EIF4G3: variants seen among roughly 807,000 people sequenced by gnomAD.
EIF4G3 encodes eukaryotic translation initiation factor 4 gamma 3.
A neutral mutation model predicts 186.4 loss-of-function variants in EIF4G3; 34 were observed. The observed-to-expected ratio is 0.18, with a 90% CI of 0.14 to 0.24. EIF4G3 has a LOEUF of 0.24. Among genes scored for constraint, EIF4G3 ranks in the 10% least tolerant of loss-of-function variants. The pLI is 1.00. For synonymous variants in EIF4G3, 673 were observed against 679.5 expected (o/e 0.99, Z 0.15); for missense variants, 1,536 against 1,948.5 (o/e 0.79, Z 3.99).
At chr1:21,121,667 C>T (rs1224362527) in intron 2 of EIF4G3, among the ~76,000 whole-genome samples, 3 of 150,578 alleles carry the variant, frequency 2.0e-5, no homozygotes, top group Admixed American at 1.3e-4. Flanking sequence ...CCCAGCTACT[C>T]GGGAGGCTAA....
At chr1:21,033,430 G>T (rs1384466179) in intron 4 of EIF4G3, among the ~76,000 whole-genome samples, 1 of 151,632 alleles carries the variant, frequency 6.6e-6, no homozygotes, top group Non-Finnish European at 1.5e-5. Flanking sequence ...AGCAGATAAA[G>T]AATTCATTCT....
At chr1:21,019,926 A>T (rs2090270002) in intron 4 of EIF4G3, among the ~76,000 whole-genome samples, 1 of 152,126 alleles carries the variant, frequency 6.6e-6, no homozygotes, top group Non-Finnish European at 1.5e-5. Context: ...GAACATAATC[A>T]AGAAACACTA....
chr1:20,813,068 T>C (rs746746259), intron 35 of EIF4G3, 90 bp downstream of exon 35: 7 of 918,702 alleles, frequency 7.6e-6, no homozygotes, highest in Non-Finnish European at 1.2e-5. Flanking sequence ...GGAGAAGTTT[T>C]GAAAACAATG....
At chr1:21,075,412 T>G (rs763889479) in intron 3 of EIF4G3, among the ~76,000 whole-genome samples, 1 of 150,700 alleles carries the variant, frequency 6.6e-6, no homozygotes, top group African/African-American at 2.4e-5. Context: ...CTACTAAAAA[T>G]CCAAAAATTA....
At position 21,038,086 on chromosome 1, in the gene EIF4G3, G is replaced by A. The variant is rs1571467686; in HGVS notation, c.-67+12780C>T. ...CACTACTGAAATCATCACCATTTTT[G>A]TACTCTTTATAATTAGTTCAACATT... On this transcript the variant is annotated intron_variant, in intron 4 of 36. Transcript: ENST00000602326. Among the ~76,000 whole-genome samples the A allele has an allele frequency of 2.6e-5, 4 of 152,134 alleles. No homozygotes were observed. The South Asian group carries it at 6.2e-4, about 24-fold the overall frequency.
chr1:21,035,932 C>G (rs2093160880), intron 4 of EIF4G3, among the ~76,000 whole-genome samples: 1 of 152,182 alleles, frequency 6.6e-6, no homozygotes, highest in Non-Finnish European at 1.5e-5. Context: ...ATAAAAGCCT[C>G]AGGCTCAACC....
intron 3 of EIF4G3, among the ~76,000 whole-genome samples, chr1:21,084,181 G>C (rs1004732760): frequency 6.7e-6 from 1 of 149,500 alleles, no homozygotes; most frequent in African/African-American, 2.5e-5. Flanking sequence ...TAATGTCCAT[G>C]TATTAGTCCA....
chr1:20,917,791 T>C (rs939926128), intron 14 of EIF4G3, among the ~76,000 whole-genome samples: 6 of 152,192 alleles, frequency 3.9e-5, no homozygotes, highest in African/African-American at 1.4e-4. Flanking sequence ...AATACTGAAG[T>C]GTTCTGGGTG....
intron 20 of EIF4G3, among the ~76,000 whole-genome samples, chr1:20,866,932 C>T (rs934020065): frequency 6.6e-6 from 1 of 152,146 alleles, no homozygotes; most frequent in Admixed American, 6.5e-5. Context: ...AATAGTCCGG[C>T]CCACAATCTA....
Position 20,849,297 on chromosome 1 carries a change from G to A in EIF4G3, c.3888+118C>T, listed in dbSNP as rs1316597193. 13 of 501,746 alleles carry A rather than the reference G, an allele frequency of 2.6e-5. No individual in the cohort carries two copies. The East Asian group carries it at 3.0e-4, about 12-fold the overall frequency. 31.1% of individuals were successfully genotyped at this position (501,746 alleles called of 1,614,324 possible). On this transcript the variant is annotated intron_variant, in intron 29 of 36. Coordinates refer to ENST00000602326, the MANE Select transcript of EIF4G3 (RefSeq NM_001391906.1). ...AAGCAAACTGAATTGTGTAGGACTT[G>A]TATTACTCAACCTAAGTCTTATCAG... is the stretch of plus-strand genomic sequence containing the variant.
chr1:20,817,567 T>C, intron 33 of EIF4G3, 29 bp from the exon 34 acceptor site: 1 of 1,414,816 alleles, frequency 7.1e-7, no homozygotes, highest in Non-Finnish European at 9.4e-7. Context: ...AACATATTAA[T>C]ATATTAATAT....
At chr1:20,983,924 AAC>A (rs1374690955) in intron 7 of EIF4G3, among the ~76,000 whole-genome samples, 1 of 152,208 alleles carries the variant, frequency 6.6e-6, no homozygotes, top group East Asian at 1.9e-4. Flanking sequence ...CAAAAATTTT[AAC>A]AGTCTGTATG....
intron 2 of EIF4G3, among the ~76,000 whole-genome samples, chr1:21,151,691 A>G (rs906979049): frequency 5.5e-5 from 8 of 145,672 alleles, no homozygotes; most frequent in African/African-American, 2.0e-4. Flanking sequence ...CTTTCAAAGT[A>G]TAATTCTATA....
chr1:21,173,842 T>A (rs2098043147), intron 2 of EIF4G3, among the ~76,000 whole-genome samples: 2 of 152,234 alleles, frequency 1.3e-5, no homozygotes, highest in African/African-American at 2.4e-5. Flanking sequence ...ATCCACTTAT[T>A]GAACAATGAC....
At position 20,862,347 on chromosome 1, in the gene EIF4G3, A is replaced by G. The variant is rs2076549302; in HGVS notation, c.3007-15T>C. 1 of 1,455,740 alleles carries G rather than the reference A, an allele frequency of 6.9e-7. No homozygotes were observed. Among genetic ancestry groups the G allele is most frequent in the South Asian group, 1.2e-5 (1 of 81,624 alleles). 90.2% of individuals were successfully genotyped at this position (1,455,740 alleles called of 1,614,324 possible). ...TCCATACGTGGCTGCAAGAGACAAA[A>G]TCATTAGTACTCCTGTCTGAGAAAC... On this transcript the variant is annotated splice_polypyrimidine_tract_variant and intron_variant, in intron 22 of 36. Coordinates refer to ENST00000602326, the MANE Select transcript of EIF4G3 (RefSeq NM_001391906.1).
chr1:20,938,003 C>CTT (rs200769290), intron 14 of EIF4G3, among the ~76,000 whole-genome samples: 7 of 148,248 alleles, frequency 4.7e-5, no homozygotes, highest in South Asian at 2.1e-4. Flanking sequence ...CTGATGCTTT[C>CTT]TTTTTTTTTT....
At position 20,823,141 on chromosome 1, in the gene EIF4G3, T is replaced by C. The variant is rs150772213; in HGVS notation, c.4368+1959A>G. The stretch of plus-strand genomic sequence containing the variant: ...ATTATGCAGTTTCACTAAAATATAA[T>C]TATCCTGTATTGCATATATGGGCTT... On this transcript the variant is annotated intron_variant, in intron 33 of 36. Coordinates refer to ENST00000602326, the MANE Select transcript of EIF4G3 (RefSeq NM_001391906.1). Among the ~76,000 whole-genome samples the C allele has an allele frequency of 3.9e-5, 6 of 152,274 alleles. No homozygotes were observed. In the East Asian group the frequency reaches 1.2e-3, roughly 29 times the overall value.
intron 32 of EIF4G3, among the ~76,000 whole-genome samples, chr1:20,825,863 A>C (rs2063478855): frequency 6.6e-6 from 1 of 152,218 alleles, no homozygotes; most frequent in African/African-American, 2.4e-5. Context: ...TGAGCCCAAG[A>C]GAGAGAATAA....
intron 2 of EIF4G3, among the ~76,000 whole-genome samples, chr1:21,160,473 C>A (rs977152859): frequency 1.3e-5 from 2 of 152,158 alleles, no homozygotes; most frequent in Non-Finnish European, 2.9e-5. Flanking sequence ...CATCAAATAT[C>A]TCCCACAAGA....
Sources: allele counts gnomAD v4.1 joint callset (sites outside exome capture counted in the v4.1 genomes callset), GRCh38; gene constraint gnomAD v4.1.1; transcripts MANE v1.5; gene names NCBI Gene and HGNC (gene_info 2026-07-23, HGNC 2026-07-21).